GON4L: variants seen among roughly 807,000 people sequenced by gnomAD.
GON4L encodes GON-4-like protein.
Under a neutral mutation model 211.8 loss-of-function variants are expected in GON4L, and 87 were observed. That is an observed-to-expected ratio of 0.41 (90% CI 0.35 to 0.49). The LOEUF (loss-of-function observed/expected upper bound fraction) is 0.49. Ranked by LOEUF, GON4L falls within the 20% of genes least tolerant of loss-of-function variation. GON4L has a pLI of 0.15. For synonymous variants in GON4L, 875 were observed against 962.6 expected (o/e 0.91, Z 1.68); for missense variants, 2,155 against 2,659.5 (o/e 0.81, Z 4.17).
At chr1:155,830,062 T>C (rs1360747619) in intron 2 of GON4L, among the ~76,000 whole-genome samples, 1 of 151,974 alleles carries the variant, frequency 6.6e-6, no homozygotes, top group East Asian at 1.9e-4. Flanking sequence ...GCAATTCTCC[T>C]GCCTCAGCCT....
intron 10 of GON4L, among the ~76,000 whole-genome samples, chr1:155,809,996 A>AAAT (rs1426968473): frequency 0.045 from 5,920 of 132,008 alleles, 276 homozygotes; most frequent in Non-Finnish European, 0.065. Context: ...ATATAATTAT[A>AAAT]TATATATATA....
At chr1:155,808,253 G>A (rs535728103) in intron 10 of GON4L, among the ~76,000 whole-genome samples, 1 of 152,082 alleles carries the variant, frequency 6.6e-6, no homozygotes, top group East Asian at 1.9e-4. Flanking sequence ...TGGCCAGGCT[G>A]GTCTAGAACT....
At chr1:155,767,858 G>C (rs564993452) in intron 19 of GON4L, among the ~76,000 whole-genome samples, 8 of 152,302 alleles carry the variant, frequency 5.3e-5, no homozygotes, top group Non-Finnish European at 8.8e-5. Context: ...GATGCTCAGA[G>C]CAATCTTATG....
intron 22 of GON4L, 114 bp downstream of exon 22, chr1:155,763,198 G>A: frequency 1.1e-6 from 1 of 931,874 alleles, no homozygotes; most frequent in South Asian, 1.7e-5. Context: ...GAGATCCAGA[G>A]GGTTTCCTCT....
chr1:155,753,056 G>C (rs1182711265), intron 29 of GON4L, 148 bp downstream of exon 29: 19 of 647,078 alleles, frequency 2.9e-5, no homozygotes, highest in Non-Finnish European at 8.2e-6. Flanking sequence ...AGCCTGAACA[G>C]CAGAAGGGCT....
chr1:155,794,153 C>A (rs1040922427), intron 12 of GON4L, among the ~76,000 whole-genome samples: 1 of 151,928 alleles, frequency 6.6e-6, no homozygotes, highest in Non-Finnish European at 1.5e-5. Context: ...CTCACTGCAA[C>A]CTCTCCCGCC....
chr1:155,750,611 A>C lies in GON4L; in HGVS notation c.6699T>G (p.Leu2233=), dbSNP rs763846937. 3 of 1,590,112 alleles carry C rather than the reference A, an allele frequency of 1.9e-6. No homozygotes were observed. In the East Asian group the frequency reaches 6.7e-5, roughly 36 times the overall value. The change falls in exon 32 of 32, where the codon CTT becomes CTG. Residue 2233 remains leucine (L), a synonymous_variant. Transcript: ENST00000368331. Reference sequence around the variant, plus strand: ...ATTCATCCAGCTCCTCTTCAGACAGAAGGTCCCCATGGTCAGACAGCTGGT... The same window carrying C: ...ATTCATCCAGCTCCTCTTCAGACAGCAGGTCCCCATGGTCAGACAGCTGGT... ...NADQLSDHGD[L]LSEEELDE
At chr1:155,782,552 A>G (rs1664522570) in intron 14 of GON4L, among the ~76,000 whole-genome samples, 1 of 152,230 alleles carries the variant, frequency 6.6e-6, no homozygotes, top group Non-Finnish European at 1.5e-5. Context: ...TAATGATAAC[A>G]TTTCACAGAA....
chr1:155,767,049 CA>C (rs1297448816), intron 20 of GON4L: 1 of 569,752 alleles, frequency 1.8e-6, no homozygotes, highest in East Asian at 3.2e-5. Flanking sequence ...AAAAACAAAA[CA>C]AAACAACAAC....
At chr1:155,796,672 G>T (rs772442673) in intron 11 of GON4L, among the ~76,000 whole-genome samples, 2 of 151,910 alleles carry the variant, frequency 1.3e-5, no homozygotes, top group Non-Finnish European at 2.9e-5. Context: ...ATATATTAAG[G>T]TAATATTTTT....
At chr1:155,798,393 T>C (rs1666286882) in intron 11 of GON4L, among the ~76,000 whole-genome samples, 1 of 149,456 alleles carries the variant, frequency 6.7e-6, no homozygotes, top group South Asian at 2.1e-4. Context: ...TATATAAGTC[T>C]CTTCACAGCA....
At chr1:155,763,237 C>T in intron 22 of GON4L, 75 bp downstream of exon 22, 1 of 1,426,390 alleles carries the variant, frequency 7.0e-7, no homozygotes, top group Admixed American at 1.8e-5. Context: ...TTATAAGCTA[C>T]CCACCCTGCA....
At chr1:155,807,780 C>T (rs1301166887) in intron 10 of GON4L, among the ~76,000 whole-genome samples, 7 of 144,044 alleles carry the variant, frequency 4.9e-5, no homozygotes, top group Admixed American at 4.2e-4. Flanking sequence ...ACTGTTTTGG[C>T]TATTCTGGGC....
intron 11 of GON4L, among the ~76,000 whole-genome samples, chr1:155,803,286 C>T (rs1666853492): frequency 6.7e-6 from 1 of 149,134 alleles, no homozygotes; most frequent in Non-Finnish European, 1.5e-5. Flanking sequence ...CGCTCTGTTG[C>T]CAGGCTGGAG....
chr1:155,808,508 G>A (rs1293978126), intron 10 of GON4L, among the ~76,000 whole-genome samples: 2 of 152,058 alleles, frequency 1.3e-5, no homozygotes, highest in African/African-American at 4.8e-5. Context: ...CTATCTTAGC[G>A]ACTTAGAATG....
chr1:155,763,661 TG>T, intron 21 of GON4L, 97 bp from the exon 22 acceptor site: 1 of 1,086,142 alleles, frequency 9.2e-7, no homozygotes, highest in South Asian at 1.7e-5. Context: ...AGTTAAACAA[TG>T]GGGAGCCCAC....
At position 155,853,689 on chromosome 1, in the gene GON4L, GCTGATT is replaced by G; in HGVS notation, c.86_91del (p.Glu29_Ser30del). 1 of 1,613,270 alleles carries G rather than the reference GCTGATT, an allele frequency of 6.2e-7. No individual in the cohort carries two copies. The highest frequency in any genetic ancestry group is 2.2e-5 in the East Asian group (1 of 44,870). On this transcript the variant is annotated inframe_deletion, in exon 2 of 32. Transcript: ENST00000368331. ...AACCTGGTCAGATTCTGGTTTAACG[GCTGATT>G]CTAGGTCTACGTTGTTTTCCTCTTG...
In GON4L at chr1:155,853,398, G is replaced by C; in HGVS notation, c.383C>G (p.Ser128Ter). Residue 128 changes from serine (S) to a stop codon, truncating the protein, a stop_gained, in exon 2 of 32, where the codon TCA becomes TGA. Transcript: ENST00000368331. LOFTEE classifies it high-confidence loss of function. ...IGKGKLHATG[S>*]KRGKKMTLRP... is the part of the protein sequence containing the mutation. ...GAGTGTCATTTTTTTCCCTCTCTTT[G>C]AGCCAGTAGCGTGGAGTTTTCCTTT... 6.2e-7 allele frequency: 1 copy of C among 1,614,084 alleles called. No homozygotes were observed. The highest frequency in any genetic ancestry group is 8.5e-7 in the Non-Finnish European group (1 of 1,180,016).
intron 24 of GON4L, among the ~76,000 whole-genome samples, chr1:155,758,937 ACCTTAGCCT>A (rs1661472117): frequency 6.6e-6 from 1 of 152,150 alleles, no homozygotes; most frequent in South Asian, 2.1e-4. Flanking sequence ...GGATCCTCCC[ACCTTAGCCT>A]CCCAAAGTGC....
Sources: gnomAD v4.1 joint callset for allele counts (sites outside exome capture counted in the v4.1 genomes callset) on GRCh38, gnomAD v4.1.1 for gene constraint, MANE v1.5 for transcripts, NCBI Gene and HGNC (gene_info 2026-07-23, HGNC 2026-07-21) for gene names.